SGCD: variants seen among roughly 807,000 people sequenced by gnomAD.
The protein encoded by SGCD is sarcoglycan delta.
SGCD carries 18 observed loss-of-function variants against 36.6 expected under a neutral mutation model. The observed-to-expected ratio is 0.49, with a 90% CI of 0.34 to 0.73. SGCD has a LOEUF of 0.73. Among genes scored for constraint, SGCD ranks in the 30% least tolerant of loss-of-function variants. The probability of loss-of-function intolerance (pLI) is 0.01; values close to 1 mark genes in which losing one functional copy is unlikely to be tolerated. For synonymous variants in SGCD, 133 were observed against 130.6 expected (o/e 1.02, Z -0.12); for missense variants, 387 against 346.7 (o/e 1.12, Z -0.92).
intron 1 of SGCD, among the ~76,000 whole-genome samples, chr5:155,906,854 G>A (rs1317785097): frequency 8.4e-6 from 1 of 119,730 alleles, no homozygotes; most frequent in East Asian, 2.8e-4. Flanking sequence ...AGAAGATCTA[G>A]CTGAAATCAT....
intron 3 of SGCD, among the ~76,000 whole-genome samples, chr5:156,383,144 T>C (rs1178844670): frequency 1.3e-5 from 2 of 152,148 alleles, no homozygotes; most frequent in Non-Finnish European, 2.9e-5. Flanking sequence ...ACCTGGGCCA[T>C]GTGCTGTGTG....
At chr5:155,810,918 C>A in the SGCD span, among the ~76,000 whole-genome samples, 14 of 127,438 alleles carry the variant, frequency 1.1e-4, no homozygotes, top group Non-Finnish European at 2.1e-4. Flanking sequence ...CCCAGGTTCA[C>A]GCCATTCTCC....
At chr5:156,729,184 T>C (rs1755933486) in intron 7 of SGCD, among the ~76,000 whole-genome samples, 1 of 152,238 alleles carries the variant, frequency 6.6e-6, no homozygotes, top group Non-Finnish European at 1.5e-5. Context: ...ATATGCTATA[T>C]ATCATTCTTG....
chr5:156,610,453 T>C (rs56959778), intron 6 of SGCD, among the ~76,000 whole-genome samples: 7,907 of 152,268 alleles, frequency 0.052, 687 homozygotes, highest in African/African-American at 0.18. Flanking sequence ...GTCTGCCCTA[T>C]TGGAGGGTGC....
At chr5:156,653,492 G>GTTTTTTTTTTTTTTTTT (rs1561839559) in intron 7 of SGCD, among the ~76,000 whole-genome samples, 16 of 5,814 alleles carry the variant, frequency 2.8e-3, no homozygotes, top group East Asian at 0.016. Context: ...TCTAAAGCTT[G>GTTTTTTTTTTTTTTTTT]CTTTTTTTTT....
At chr5:156,132,633 T>C (rs1762356689) in intron 3 of SGCD, among the ~76,000 whole-genome samples, 1 of 150,740 alleles carries the variant, frequency 6.6e-6, no homozygotes, top group African/African-American at 2.4e-5. Flanking sequence ...CACGCCCGGC[T>C]AATTTTTTGT....
chr5:155,787,481 T>A, the SGCD span, among the ~76,000 whole-genome samples: 1 of 152,156 alleles, frequency 6.6e-6, no homozygotes, highest in Non-Finnish European at 1.5e-5. Flanking sequence ...CCATGCAGCA[T>A]ACAATTAATT....
intron 1 of SGCD, among the ~76,000 whole-genome samples, chr5:156,059,081 CTACAAGTGGGTA>C (rs1235089907): frequency 6.9e-6 from 1 of 143,970 alleles, no homozygotes; most frequent in Non-Finnish European, 1.6e-5. Flanking sequence ...TTTCAAATTT[CTACAAGTGGGTA>C]TATCATTTTT....
chr5:156,654,455 T>C (rs866944315), intron 7 of SGCD, among the ~76,000 whole-genome samples: 1 of 152,126 alleles, frequency 6.6e-6, no homozygotes, highest in Non-Finnish European at 1.5e-5. Flanking sequence ...TATGAGTCAT[T>C]AATAAAAACT....
chr5:156,535,717 A>T (rs561906126), intron 4 of SGCD, among the ~76,000 whole-genome samples: 1 of 152,192 alleles, frequency 6.6e-6, no homozygotes, highest in Admixed American at 6.6e-5. Context: ...ATGAATTTTA[A>T]AATTTAAGTC....
chr5:155,799,810 CCCTTTTTTTTTTTT>C, the SGCD span, among the ~76,000 whole-genome samples: 7 of 90,292 alleles, frequency 7.8e-5, no homozygotes, highest in South Asian at 1.5e-3. Context: ...CTTCCTATTC[CCCTTTTTTTTTTTT>C]TTTTTTTTTT....
chr5:156,371,759 C>T (rs777938802), intron 3 of SGCD, among the ~76,000 whole-genome samples: 24 of 152,326 alleles, frequency 1.6e-4, no homozygotes, highest in Non-Finnish European at 2.8e-4. Flanking sequence ...GTTCCCCCAT[C>T]GTCATTAGGA....
intron 1 of SGCD, among the ~76,000 whole-genome samples, chr5:155,936,668 C>T (rs1757208979): frequency 6.6e-6 from 1 of 152,232 alleles, no homozygotes; most frequent in Non-Finnish European, 1.5e-5. Context: ...CTCTGGTCCA[C>T]GGAACTGGCA....
rs191284211 is a variant in SGCD, at chr5:156,305,773, G to A, written c.-43-23761G>A. On this transcript the variant is annotated intron_variant, in intron 3 of 9. Transcript: ENST00000517913. The stretch of plus-strand genomic sequence containing the variant: ...AAGCTGTATGCTCCAAAACCACAGG[G>A]CAGAGCTGCCCAAGACCATGGGAAC... Among the ~76,000 whole-genome samples, 22 of 152,318 alleles carry A rather than the reference G, an allele frequency of 1.4e-4. 1 individual carries two copies. In the East Asian group the frequency reaches 4.1e-3, roughly 28 times the overall value.
chr5:156,127,854 CAAA>C (rs56822746), intron 3 of SGCD, among the ~76,000 whole-genome samples: 2,164 of 18,194 alleles, frequency 0.12, 29 homozygotes, highest in East Asian at 0.41. Flanking sequence ...AACATAAATG[CAAA>C]AAAAAAAAAA....
At chr5:156,470,628 AT>A (rs1403458951) in intron 3 of SGCD, among the ~76,000 whole-genome samples, 4 of 152,026 alleles carry the variant, frequency 2.6e-5, no homozygotes, top group Non-Finnish European at 4.4e-5. Context: ...TTTACTGAGA[AT>A]TTTTTTCTAT....
the SGCD span, among the ~76,000 whole-genome samples, chr5:155,768,293 T>A: frequency 1.0e-3 from 19 of 18,244 alleles, no homozygotes; most frequent in Non-Finnish European, 1.8e-3. Flanking sequence ...GTTGTTTTAG[T>A]TTTTTTTTTC....
At chr5:155,855,372 T>G in the SGCD span, among the ~76,000 whole-genome samples, 14 of 152,198 alleles carry the variant, frequency 9.2e-5, no homozygotes, top group Non-Finnish European at 1.0e-4. Context: ...TGTTTGATAA[T>G]ATGCCCTTTG....
the SGCD span, among the ~76,000 whole-genome samples, chr5:155,784,640 C>CTT: frequency 0.7 from 93,739 of 134,402 alleles, 33,201 homozygotes; most frequent in East Asian, 0.87. Flanking sequence ...GTAAGAGCTC[C>CTT]TTTTTTTTTT....
Sources: gnomAD v4.1 joint callset for allele counts (sites outside exome capture counted in the v4.1 genomes callset) on GRCh38, gnomAD v4.1.1 for gene constraint, MANE v1.5 for transcripts, NCBI Gene and HGNC (gene_info 2026-07-23, HGNC 2026-07-21) for gene names.